RAB6A: variants seen among roughly 807,000 people sequenced by gnomAD.
The protein encoded by RAB6A is RAB6A, member RAS oncogene family.
RAB6A carries 8 observed loss-of-function variants against 32.3 expected under a neutral mutation model. That is an observed-to-expected ratio of 0.25 (90% CI 0.15 to 0.45). The LOEUF (loss-of-function observed/expected upper bound fraction) is 0.45, where lower values mean the gene tolerates loss of function less well. Ranked by LOEUF, RAB6A falls within the 20% of genes least tolerant of loss-of-function variation. The pLI, the probability that RAB6A is intolerant of heterozygous loss-of-function variation, is 1.00. For missense variants in RAB6A, 104 were observed against 249.4 expected (o/e 0.42, Z 3.93); for synonymous variants, 73 against 82.1 (o/e 0.89, Z 0.60).
chr11:73,725,721 G>A (rs918026398), intron 2 of RAB6A, among the ~76,000 whole-genome samples: 1 of 152,156 alleles, frequency 6.6e-6, no homozygotes, highest in African/African-American at 2.4e-5. Flanking sequence ...AATTGTGGGA[G>A]TTACAATTCA....
chr11:73,716,834 T>G (rs1009290620), intron 4 of RAB6A, among the ~76,000 whole-genome samples: 1 of 152,240 alleles, frequency 6.6e-6, no homozygotes, highest in Admixed American at 6.5e-5. Flanking sequence ...CTGTTTGCAC[T>G]GCTTCCTCAG....
At chr11:73,702,362 G>C (rs769281200) in intron 6 of RAB6A, among the ~76,000 whole-genome samples, 4 of 152,114 alleles carry the variant, frequency 2.6e-5, no homozygotes, top group Admixed American at 6.6e-5. Context: ...TGTAGAGACA[G>C]GGTTTCACTA....
intron 2 of RAB6A, among the ~76,000 whole-genome samples, chr11:73,726,944 GA>G (rs918546531): frequency 2.0e-5 from 3 of 152,138 alleles, no homozygotes; most frequent in South Asian, 2.1e-4. Context: ...GATTTTCAGA[GA>G]AGGTCTGAGA....
intron 1 of RAB6A, among the ~76,000 whole-genome samples, chr11:73,731,671 A>ATC (rs1465419317): frequency 7.1e-6 from 1 of 141,238 alleles, no homozygotes; most frequent in Non-Finnish European, 1.5e-5. Context: ...ATTGTGAGAT[A>ATC]GATAGATAGA....
At chr11:73,702,696 A>G (rs1408813500) in intron 6 of RAB6A, among the ~76,000 whole-genome samples, 2 of 152,210 alleles carry the variant, frequency 1.3e-5, no homozygotes, top group Non-Finnish European at 2.9e-5. Flanking sequence ...AAGATTATCT[A>G]GAAATGTCCC....
At chr11:73,742,477 A>T (rs1301683187) in intron 1 of RAB6A, among the ~76,000 whole-genome samples, 2 of 152,112 alleles carry the variant, frequency 1.3e-5, no homozygotes, top group African/African-American at 2.4e-5. Flanking sequence ...GCAGATAAGA[A>T]AGATACATAA....
intron 1 of RAB6A, among the ~76,000 whole-genome samples, chr11:73,744,720 T>C (rs896094357): frequency 6.6e-6 from 1 of 152,116 alleles, no homozygotes; most frequent in Non-Finnish European, 1.5e-5. Context: ...CTTACGCCTG[T>C]AATCCCAACA....
chr11:73,714,201 A>ATAT (rs1436744350), intron 5 of RAB6A, among the ~76,000 whole-genome samples: 1 of 61,314 alleles, frequency 1.6e-5, no homozygotes, highest in Non-Finnish European at 3.4e-5. Flanking sequence ...TCAAAAAAAA[A>ATAT]AAAAAAAAAT....
intron 6 of RAB6A, among the ~76,000 whole-genome samples, chr11:73,700,846 G>A (rs766194097): frequency 2.0e-5 from 3 of 152,098 alleles, no homozygotes; most frequent in Non-Finnish European, 4.4e-5. Context: ...AGGGTCAAGT[G>A]CTTAAATCAA....
chr11:73,711,615 A>C (rs879400157), intron 5 of RAB6A, among the ~76,000 whole-genome samples: 4 of 152,188 alleles, frequency 2.6e-5, no homozygotes, highest in Admixed American at 2.6e-4. Context: ...TTGTACTCTT[A>C]CCAGTGTATC....
intron 6 of RAB6A, among the ~76,000 whole-genome samples, chr11:73,701,571 G>A (rs555871991): frequency 6.6e-6 from 1 of 152,350 alleles, no homozygotes; most frequent in Non-Finnish European, 1.5e-5. Flanking sequence ...GGTAATAGCA[G>A]AGCAGCTTGT....
chr11:73,760,096 C>T, intron 1 of RAB6A: 1 of 1,290,794 alleles, frequency 7.7e-7, no homozygotes, highest in Non-Finnish European at 1.0e-6. Flanking sequence ...GGGAAAACAA[C>T]GCCCAGATCC....
intron 6 of RAB6A, among the ~76,000 whole-genome samples, chr11:73,691,231 G>A (rs1381231827): frequency 6.6e-6 from 1 of 152,198 alleles, no homozygotes; most frequent in East Asian, 1.9e-4. Context: ...TCTGGCTGTG[G>A]GGTCATCCTG....
At position 73,720,180 on chromosome 11, in the gene RAB6A, C is replaced by CTTT. The variant is rs10688172; in HGVS notation, c.183+663_183+665dup. ...AAATCCAACAAATAAATACACATTACTTTTTTTTTTTTTTTTTGCAACGGA... is the reference window on the plus strand; with the variant it reads ...AAATCCAACAAATAAATACACATTACTTTTTTTTTTTTTTTTTTTTGCAACGGA... On this transcript the variant is annotated intron_variant, in intron 3 of 7. Transcript: ENST00000336083. 4.2e-3 allele frequency among the ~76,000 whole-genome samples: 548 copies of CTTT among 130,670 alleles called. 11 individuals carry two copies. The highest frequency in any genetic ancestry group is 7.1e-3 in the Admixed American group (87 of 12,276). 85.7% of individuals were successfully genotyped at this position (130,670 alleles called of 152,430 possible). A position where few individuals can be genotyped will look rare whatever the true frequency, so the allele number is the denominator to read the frequency against.
intron 6 of RAB6A, among the ~76,000 whole-genome samples, chr11:73,698,815 G>C (rs895338059): frequency 6.7e-6 from 1 of 149,014 alleles, no homozygotes; most frequent in South Asian, 2.1e-4. Context: ...TCCAAATCAA[G>C]TACACTCAGT....
At chr11:73,747,061 G>T (rs1034848417) in intron 1 of RAB6A, among the ~76,000 whole-genome samples, 3 of 150,306 alleles carry the variant, frequency 2.0e-5, no homozygotes, top group Non-Finnish European at 4.4e-5. Context: ...CAAAGTGCTG[G>T]GATTACAGAC....
chr11:73,728,706 T>A lies in RAB6A; in HGVS notation c.129+2059A>T, dbSNP rs78128139. Among the ~76,000 whole-genome samples, 822 of 150,724 alleles carry A rather than the reference T, an allele frequency of 5.5e-3. 8 individuals carry two copies. The highest frequency in any genetic ancestry group is 0.018 in the African/African-American group (750 of 41,266). ...AACATGTTGCTGGATTCAGTTTGGT[T>A]GTATTTTATTGACAATTTTTGTGTC... On this transcript the variant is annotated intron_variant, in intron 2 of 7. Transcript: ENST00000336083.
intron 6 of RAB6A, among the ~76,000 whole-genome samples, chr11:73,704,616 C>A (rs11826017): frequency 0.021 from 3,182 of 150,736 alleles, 114 homozygotes; most frequent in African/African-American, 0.072. Context: ...ACCCAGGAGG[C>A]AGAGGTTGCA....
intron 6 of RAB6A, among the ~76,000 whole-genome samples, chr11:73,691,845 C>T (rs1245839628): frequency 2.0e-5 from 3 of 152,054 alleles, no homozygotes; most frequent in Non-Finnish European, 4.4e-5. Context: ...TGGTGGCTTG[C>T]GCCTGTAGTC....
Sources: gnomAD v4.1 joint callset for allele counts (sites outside exome capture counted in the v4.1 genomes callset) on GRCh38, gnomAD v4.1.1 for gene constraint, MANE v1.5 for transcripts, NCBI Gene and HGNC (gene_info 2026-07-23, HGNC 2026-07-21) for gene names.